CCDC148: variants seen among roughly 807,000 people sequenced by gnomAD.
CCDC148 encodes coiled-coil domain containing 148.
In CCDC148, 89 loss-of-function variants were observed where a neutral mutation model predicts 85.7. The ratio of observed to expected loss-of-function variants is 1.04; its 90% confidence interval spans 0.87 to 1.24. The LOEUF is 1.24. CCDC148 is among the 50% of genes most tolerant of loss of function. The pLI is 0.00. For missense variants in CCDC148, 692 were observed against 671.7 expected (o/e 1.03, Z -0.33); for synonymous variants, 230 against 213.9 (o/e 1.08, Z -0.66).
chr2:158,424,745 A>G (rs1053271451), intron 1 of CCDC148: 11 of 215,568 alleles, frequency 5.1e-5, no homozygotes, highest in South Asian at 4.4e-4. Flanking sequence ...AATCCCCCAA[A>G]AAGGGTTTTG....
intron 9 of CCDC148, among the ~76,000 whole-genome samples, chr2:158,251,294 A>G (rs1220196165): frequency 2.6e-5 from 4 of 151,834 alleles, no homozygotes; most frequent in Non-Finnish European, 4.4e-5. Flanking sequence ...AAAATGCTTA[A>G]AAGTTTAAGA....
At chr2:158,450,241 T>C (rs1688351778) in intron 1 of CCDC148, among the ~76,000 whole-genome samples, 2 of 152,196 alleles carry the variant, frequency 1.3e-5, no homozygotes, top group South Asian at 4.1e-4. Flanking sequence ...TTTCTACCTC[T>C]ACGAAGCAGA....
intron 10 of CCDC148, among the ~76,000 whole-genome samples, chr2:158,243,599 G>C (rs1574474675): frequency 6.6e-6 from 1 of 152,088 alleles, no homozygotes. Flanking sequence ...AGTTTGAAAA[G>C]ATCCATGAGA....
chr2:158,331,444 G>A (rs867865165), intron 7 of CCDC148, among the ~76,000 whole-genome samples: 9 of 152,286 alleles, frequency 5.9e-5, no homozygotes, highest in Middle Eastern at 3.4e-3. Flanking sequence ...GTCAATTTTG[G>A]AATAAGTGTG....
At chr2:158,455,587 A>G (rs1209373578) in intron 1 of CCDC148, among the ~76,000 whole-genome samples, 2 of 151,924 alleles carry the variant, frequency 1.3e-5, no homozygotes, top group African/African-American at 2.4e-5. Flanking sequence ...CCAAAATCCT[A>G]TCAGCTTTTT....
chr2:158,315,650 A>G (rs974677254), intron 7 of CCDC148, among the ~76,000 whole-genome samples: 4 of 151,992 alleles, frequency 2.6e-5, no homozygotes, highest in Admixed American at 2.6e-4. Context: ...CCACACCCAC[A>G]TCGCCTTTAT....
intron 2 of CCDC148, 29 bp downstream of exon 2, chr2:158,358,420 G>T: frequency 6.3e-7 from 1 of 1,584,020 alleles, no homozygotes; most frequent in Non-Finnish European, 8.5e-7. Flanking sequence ...TCTAAAACTA[G>T]AAAAACACAT....
chr2:158,233,272 T>C (rs890833231), intron 10 of CCDC148, among the ~76,000 whole-genome samples: 1 of 152,108 alleles, frequency 6.6e-6, no homozygotes, highest in African/African-American at 2.4e-5. Context: ...GATGTCTTAA[T>C]AGAAAAGCAT....
At chr2:158,298,591 T>C (rs1474054377) in intron 9 of CCDC148, among the ~76,000 whole-genome samples, 1 of 152,196 alleles carries the variant, frequency 6.6e-6, no homozygotes, top group African/African-American at 2.4e-5. Flanking sequence ...GAATATTTTC[T>C]ATTGGCTTGT....
chr2:158,431,347 C>T (rs771359561), intron 1 of CCDC148, among the ~76,000 whole-genome samples: 1 of 151,112 alleles, frequency 6.6e-6, no homozygotes, highest in East Asian at 1.9e-4. Context: ...GTGATGGGGT[C>T]GAGAAGGGAG....
At chr2:158,343,992 A>G (rs1356651199) in intron 3 of CCDC148, among the ~76,000 whole-genome samples, 3 of 152,170 alleles carry the variant, frequency 2.0e-5, no homozygotes, top group African/African-American at 4.8e-5. Flanking sequence ...TCTTCTACAT[A>G]GCTTAAGAAC....
At chr2:158,389,851 T>G (rs1559114795) in intron 1 of CCDC148, among the ~76,000 whole-genome samples, 1 of 152,202 alleles carries the variant, frequency 6.6e-6, no homozygotes, top group Non-Finnish European at 1.5e-5. Context: ...TAAAATGCTA[T>G]TGTCAAATCT....
intron 7 of CCDC148, among the ~76,000 whole-genome samples, chr2:158,330,098 G>A (rs193164796): frequency 1.3e-5 from 2 of 152,128 alleles, no homozygotes; most frequent in East Asian, 1.9e-4. Context: ...TTTTCAAAGG[G>A]AATGCTTCCA....
chr2:158,427,330 A>G (rs1180166240), intron 1 of CCDC148, among the ~76,000 whole-genome samples: 1 of 152,174 alleles, frequency 6.6e-6, no homozygotes, highest in Non-Finnish European at 1.5e-5. Context: ...AAAAATATTT[A>G]TGTAGGGCCT....
chr2:158,402,772 A>G (rs934374339), intron 1 of CCDC148, among the ~76,000 whole-genome samples: 1 of 152,116 alleles, frequency 6.6e-6, no homozygotes, highest in Non-Finnish European at 1.5e-5. Flanking sequence ...CTATTTAGAT[A>G]GTATAACTTT....
At chr2:158,254,592 A>C (rs573527886) in intron 9 of CCDC148, among the ~76,000 whole-genome samples, 6 of 151,794 alleles carry the variant, frequency 4.0e-5, no homozygotes, top group Admixed American at 2.6e-4. Flanking sequence ...ATATAATCAA[A>C]TACTGTAGTC....
At chr2:158,294,377 T>A (rs1042707142) in intron 9 of CCDC148, among the ~76,000 whole-genome samples, 14 of 152,146 alleles carry the variant, frequency 9.2e-5, no homozygotes, top group African/African-American at 3.4e-4. Context: ...TAAATAAAGC[T>A]GCTATAAATG....
chr2:158,383,430 T>A (rs1684960270), intron 1 of CCDC148, among the ~76,000 whole-genome samples: 1 of 152,076 alleles, frequency 6.6e-6, no homozygotes, highest in Non-Finnish European at 1.5e-5. Flanking sequence ...AAAGTGTATA[T>A]ATGTGTGTAG....
intron 9 of CCDC148, among the ~76,000 whole-genome samples, chr2:158,274,992 C>T (rs1689864462): frequency 6.6e-6 from 1 of 152,172 alleles, no homozygotes; most frequent in African/African-American, 2.4e-5. Context: ...TATAAATTGG[C>T]CACAAAATGT....
Sources: gnomAD v4.1 joint callset for allele counts (sites outside exome capture counted in the v4.1 genomes callset) on GRCh38, gnomAD v4.1.1 for gene constraint, MANE v1.5 for transcripts, NCBI Gene and HGNC (gene_info 2026-07-23, HGNC 2026-07-21) for gene names.